Variants in HAUS5 observed in about 807,000 individuals in gnomAD.
HAUS5 encodes HAUS augmin like complex subunit 5.
Under a neutral mutation model 94.1 loss-of-function variants are expected in HAUS5, and 67 were observed. That is an observed-to-expected ratio of 0.71 (90% CI 0.58 to 0.87). HAUS5 has a LOEUF of 0.87. HAUS5 is among the 40% of genes least tolerant of loss of function. HAUS5 has a pLI of 0.00. For missense variants in HAUS5, 739 were observed against 825.6 expected (o/e 0.90, Z 1.29); for synonymous variants, 339 against 355.4 (o/e 0.95, Z 0.52).
Position 35,623,028 on chromosome 19 carries a change from C to A in HAUS5, c.*35C>A. ...TCAAACGGAAGCCGAGAACTTGACA[C>A]TGTTCACCCCAACACCTCACCTCCC... On this transcript the variant is annotated 3_prime_UTR_variant, in exon 19 of 19. Coordinates refer to ENST00000203166, the MANE Select transcript of HAUS5 (RefSeq NM_015302.2). The A allele has an allele frequency of 7.4e-7, 1 of 1,359,754 alleles. No homozygotes were observed. Among genetic ancestry groups the A allele is most frequent in the Non-Finnish European group, 1.0e-6 (1 of 960,298 alleles). 84.2% of individuals were successfully genotyped at this position (1,359,754 alleles called of 1,614,324 possible). A position where few individuals can be genotyped will look rare whatever the true frequency, so the allele number is the denominator to read the frequency against.
chr19:35,616,283 A>G (rs1599594888), intron 6 of HAUS5, among the ~76,000 whole-genome samples: 1 of 150,946 alleles, frequency 6.6e-6, no homozygotes, highest in South Asian at 2.1e-4. Context: ...GCACCACTGC[A>G]CTCCAGCCTG....
intron 17 of HAUS5, 118 bp from the exon 18 acceptor site, chr19:35,622,483 T>G: frequency 1.0e-6 from 1 of 997,466 alleles, no homozygotes; most frequent in Non-Finnish European, 1.5e-6. Context: ...AGACTCATCA[T>G]TGGTTTGCGG....
intron 6 of HAUS5, among the ~76,000 whole-genome samples, chr19:35,615,805 G>A (rs1324186428): frequency 1.3e-5 from 2 of 152,244 alleles, no homozygotes; most frequent in African/African-American, 4.8e-5. Flanking sequence ...GGGACATTGA[G>A]TTGGAAGAGG....
At position 35,624,380 on chromosome 19, in the gene HAUS5, C is replaced by G. The variant is rs1437515721; in HGVS notation, c.*1387C>G. ...TCGGCCTCCCAAAGTGCTGGGATTA[C>G]AGGCATGAGCCACCGCGCCTGACCA... On this transcript the variant is annotated 3_prime_UTR_variant, in exon 19 of 19. Coordinates refer to ENST00000203166, the MANE Select transcript of HAUS5 (RefSeq NM_015302.2). 1 of 152,134 alleles carries G rather than the reference C, an allele frequency of 6.6e-6. No homozygotes were observed. Among genetic ancestry groups the G allele is most frequent in the Non-Finnish European group, 1.5e-5 (1 of 68,074 alleles). The allele number at this position is 152,134 out of a possible 1,614,324, so 9.4% of individuals were successfully genotyped here.
chr19:35,617,591 G>A (rs1568328352), intron 8 of HAUS5, among the ~76,000 whole-genome samples: 2 of 152,178 alleles, frequency 1.3e-5, no homozygotes, highest in African/African-American at 4.8e-5. Flanking sequence ...TGGGCACCCA[G>A]AGGCAGTGCC....
chr19:35,620,390 G>A (rs968082125), intron 17 of HAUS5, 63 bp downstream of exon 17: 30 of 1,505,520 alleles, frequency 2.0e-5, no homozygotes, highest in Admixed American at 9.2e-5. Flanking sequence ...CAGCCTCCAC[G>A]AGTCCTTACC....
Position 35,618,471 on chromosome 19 carries a change from C to A in HAUS5, c.885+6C>A. On this transcript the variant is annotated splice_donor_region_variant and intron_variant, in intron 11 of 18. Transcript: ENST00000203166. Reference sequence around the variant, plus strand: ...CCATGGTTCATCTCATCCAGGTGACCCCAGGGCTCGCCTCCCCACCACATT... The same window carrying A: ...CCATGGTTCATCTCATCCAGGTGACACCAGGGCTCGCCTCCCCACCACATT... The A allele has an allele frequency of 6.2e-7, 1 of 1,614,140 alleles. No individual in the cohort carries two copies. The highest frequency in any genetic ancestry group is 8.5e-7 in the Non-Finnish European group (1 of 1,180,014).
chr19:35,618,371 G>T, intron 10 of HAUS5, 31 bp from the exon 11 acceptor site: 1 of 1,610,736 alleles, frequency 6.2e-7, no homozygotes, highest in South Asian at 1.1e-5. Context: ...GCCGCAGCAC[G>T]GCTCCCTCAG....
chr19:35,612,811 A>G lies in HAUS5; in HGVS notation c.17A>G (p.Glu6Gly). 6.5e-7 allele frequency: 1 copy of G among 1,547,450 alleles called. No individual in the cohort carries two copies. Among genetic ancestry groups the G allele is most frequent in the Non-Finnish European group, 8.7e-7 (1 of 1,145,654 alleles). Residue 6 changes from glutamate to glycine, a missense_variant, in exon 1 of 19, where the codon GAA (glutamate) becomes GGA (glycine). Glu to Gly is a moderately conservative substitution (Grantham distance 98). Coordinates refer to ENST00000203166, the MANE Select transcript of HAUS5 (RefSeq NM_015302.2). MELAQ[E>G]ARELGCWAVE... The stretch of plus-strand genomic sequence containing the variant: ...GGCGCTGTCATGGAGCTAGCGCAGG[A>G]AGCGCGGGAACTGGGTTGCTGGGCG...
chr19:35,620,632 G>A (rs1009654899), intron 17 of HAUS5, among the ~76,000 whole-genome samples: 3 of 152,136 alleles, frequency 2.0e-5, no homozygotes, highest in South Asian at 4.1e-4. Context: ...CACTGCCGTC[G>A]ACTTTCCACG....
rs2071916292 is a variant in HAUS5, at chr19:35,613,788, CAG to C, written c.160_161del (p.Arg54AspfsTer52). 1.2e-6 allele frequency: 2 copies of C among 1,614,038 alleles called. No homozygotes were observed. The highest frequency in any genetic ancestry group is 1.7e-6 in the Non-Finnish European group (2 of 1,180,028). On this transcript the variant is annotated frameshift_variant and splice_region_variant, in exon 2 of 19. Coordinates refer to ENST00000203166, the MANE Select transcript of HAUS5 (RefSeq NM_015302.2). LOFTEE classifies it high-confidence loss of function. ...WAYILQHVHSQRTVKKIRGNL... is the reference protein window; with the variant it reads ...WAYILQHVHSXRTVKKIRGNL... ...CTACATCTTGCAGCATGTGCACAGT[CAG>C]AGGTAAGCTGGGCTAGAGCAGGGGA...
chr19:35,619,066 AG>A lies in HAUS5; in HGVS notation c.1179+20del. ...CAGCTGGTGGTGAGAGGCTAGGCCCAGGGCCTTGTGGAGGGCCAGAGGGGAG... is the reference window on the plus strand; with the variant it reads ...CAGCTGGTGGTGAGAGGCTAGGCCCAGGCCTTGTGGAGGGCCAGAGGGGAG... On this transcript the variant is annotated intron_variant, in intron 13 of 18. Coordinates refer to ENST00000203166, the MANE Select transcript of HAUS5 (RefSeq NM_015302.2). The A allele has an allele frequency of 1.3e-6, 2 of 1,562,572 alleles. No homozygotes were observed. The highest frequency in any genetic ancestry group is 2.4e-5 in the South Asian group (2 of 84,980).
chr19:35,613,726 AC>A lies in HAUS5; in HGVS notation c.99-3del. On this transcript the variant is annotated splice_region_variant and splice_polypyrimidine_tract_variant and intron_variant, in intron 1 of 18. Coordinates refer to ENST00000203166, the MANE Select transcript of HAUS5 (RefSeq NM_015302.2). ...AGGCATATGCTTACACACTGTCCCCACAGGCTGTGTCTGGGCCAGGGGGCTG... is the reference window on the plus strand; with the variant it reads ...AGGCATATGCTTACACACTGTCCCCAAGGCTGTGTCTGGGCCAGGGGGCTG... 6.2e-7 allele frequency: 1 copy of A among 1,613,716 alleles called. No homozygotes were observed. The highest frequency in any genetic ancestry group is 8.5e-7 in the Non-Finnish European group (1 of 1,179,706).
intron 4 of HAUS5, 26 bp from the exon 5 acceptor site, chr19:35,615,013 CCAT>C: frequency 6.6e-7 from 1 of 1,519,260 alleles, no homozygotes; most frequent in Non-Finnish European, 9.0e-7. Context: ...CCCGATCAGA[CCAT>C]CTGACCCTGA....
rs2071925754 is a variant in HAUS5, at chr19:35,614,701, G to A, written c.220-341G>A. On this transcript the variant is annotated intron_variant, in intron 4 of 18. Transcript: ENST00000203166. ...ATGGGACAGGTATGGGAGAGATGCT[G>A]AGGCCAGTGTGGGACCCAATGGGTG... Among the ~76,000 whole-genome samples, 5 of 152,306 alleles carry A rather than the reference G, an allele frequency of 3.3e-5. No individual in the cohort carries two copies. In the South Asian group the frequency reaches 1.0e-3, roughly 32 times the overall value.
At chr19:35,622,197 T>G (rs1967218794) in intron 17 of HAUS5, among the ~76,000 whole-genome samples, 1 of 151,918 alleles carries the variant, frequency 6.6e-6, no homozygotes, top group Admixed American at 6.6e-5. Flanking sequence ...AATTTAGGCT[T>G]CAGGAAGATC....
At chr19:35,616,486 C>G (rs1296387999) in intron 6 of HAUS5, among the ~76,000 whole-genome samples, 3 of 151,992 alleles carry the variant, frequency 2.0e-5, no homozygotes, top group African/African-American at 4.8e-5. Flanking sequence ...GCCTGTTAAC[C>G]ATTGTTATTC....
In HAUS5 at chr19:35,619,895, C is replaced by T. The variant is rs539585831; in HGVS notation, c.1407-117C>T. ...CAGACCTCACCCTTGGGTCAGCAGCCCTGGTCTTGGCATCCTAGTCCCCAG... is the reference window on the plus strand; with the variant it reads ...CAGACCTCACCCTTGGGTCAGCAGCTCTGGTCTTGGCATCCTAGTCCCCAG... On this transcript the variant is annotated intron_variant, in intron 15 of 18. Transcript: ENST00000203166. 2.0e-5 allele frequency: 30 copies of T among 1,528,592 alleles called. 1 individual carries two copies. The African/African-American group carries it at 2.1e-4, about 11-fold the overall frequency. The allele number at this position is 1,528,592 out of a possible 1,614,324, so 94.7% of individuals were successfully genotyped here. A position where few individuals can be genotyped will look rare whatever the true frequency, so the allele number is the denominator to read the frequency against.
intron 17 of HAUS5, among the ~76,000 whole-genome samples, chr19:35,620,706 G>A (rs768353645): frequency 5.3e-5 from 8 of 152,122 alleles, no homozygotes; most frequent in Non-Finnish European, 5.9e-5. Context: ...CCTCTCTGCC[G>A]TCTCTTCCTA....
Sources: allele counts gnomAD v4.1 joint callset (sites outside exome capture counted in the v4.1 genomes callset), GRCh38; gene constraint gnomAD v4.1.1; transcripts MANE v1.5; gene names NCBI Gene and HGNC (gene_info 2026-07-23, HGNC 2026-07-21).